AKAP13: variants seen among roughly 807,000 people sequenced by gnomAD.
AKAP13 encodes A-kinase anchor protein 13.
In AKAP13, 80 loss-of-function variants were observed where a neutral mutation model predicts 264.5. The ratio of observed to expected loss-of-function variants is 0.30; its 90% CI spans 0.25 to 0.36. AKAP13 has a LOEUF of 0.36. Among genes scored for constraint, AKAP13 ranks in the 10% least tolerant of loss-of-function variants. AKAP13 has a pLI of 1.00. For synonymous variants in AKAP13, 1,380 were observed against 1,250.2 expected, an observed-to-expected ratio of 1.10 and a Z score of -2.19; for missense variants, 3,712 against 3,435.2, an observed-to-expected ratio of 1.08 and a Z score of -2.01.
chr15:85,571,039 T>G (rs1312556844), intron 5 of AKAP13, among the ~76,000 whole-genome samples: 1 of 152,046 alleles, frequency 6.6e-6, no homozygotes, highest in African/African-American at 2.4e-5. Flanking sequence ...GAAAAGGTCT[T>G]TTGAGAATGA....
At chr15:85,562,564 C>CAAAAAAA (rs1253215813) in intron 5 of AKAP13, among the ~76,000 whole-genome samples, 1 of 33,882 alleles carries the variant, frequency 3.0e-5, no homozygotes, top group African/African-American at 9.7e-5. Context: ...GAATCTGCCT[C>CAAAAAAA]AAAAAAAAAA....
chr15:85,611,954 T>C (rs2080649871), intron 8 of AKAP13, among the ~76,000 whole-genome samples: 1 of 152,226 alleles, frequency 6.6e-6, no homozygotes, highest in Non-Finnish European at 1.5e-5. Flanking sequence ...AGTAATATAC[T>C]GTAAGGGCCA....
chr15:85,438,422 C>G (rs934404888), intron 1 of AKAP13, among the ~76,000 whole-genome samples: 22 of 151,928 alleles, frequency 1.4e-4, no homozygotes, highest in African/African-American at 5.1e-4. Context: ...AACTCCATCC[C>G]CATAAAGCTA....
intron 5 of AKAP13, among the ~76,000 whole-genome samples, chr15:85,571,119 T>C (rs145606123): frequency 2.8e-4 from 43 of 152,260 alleles, no homozygotes; most frequent in African/African-American, 9.6e-4. Context: ...GGAAGATTAG[T>C]GTACAGGTGA....
chr15:85,700,812 A>G (rs942875823), intron 17 of AKAP13, among the ~76,000 whole-genome samples: 1 of 152,164 alleles, frequency 6.6e-6, no homozygotes, highest in Non-Finnish European at 1.5e-5. Flanking sequence ...ATTGCAAGGC[A>G]AGCCATTAAA....
Position 85,736,145 on chromosome 15 carries a change from T to A in AKAP13, c.7557+11T>A, listed in dbSNP as rs902583504. On this transcript the variant is annotated intron_variant, in intron 33 of 36. Coordinates refer to ENST00000394518, the MANE Select transcript of AKAP13 (RefSeq NM_007200.5). ...AAAAGAAACAGTGAGGTAAGGACAT[T>A]ATGAACTATTTAAGAAAATATGTGT... 3 of 1,594,268 alleles carry A rather than the reference T, an allele frequency of 1.9e-6. No individual in the cohort carries two copies. Among genetic ancestry groups the A allele is most frequent in the Admixed American group, 3.4e-5 (2 of 59,618 alleles).
Position 85,734,937 on chromosome 15 carries a change from G to C in AKAP13, c.7283-55G>C. On this transcript the variant is annotated intron_variant, in intron 30 of 36. Transcript: ENST00000394518. ...TACGTATCATATATACTATGAACTT[G>C]TTTTCCCCTCATTGAAAGATAAGAT... 1.0e-5 allele frequency: 16 copies of C among 1,592,240 alleles called. No individual in the cohort carries two copies. In the South Asian group the frequency reaches 1.8e-4, roughly 18 times the overall value.
intron 1 of AKAP13, among the ~76,000 whole-genome samples, chr15:85,406,584 G>A (rs1473033428): frequency 1.4e-5 from 2 of 142,562 alleles, no homozygotes; most frequent in East Asian, 4.2e-4. Flanking sequence ...ATCAATTATG[G>A]TATAGGACAT....
intron 4 of AKAP13, 136 bp downstream of exon 4, chr15:85,534,016 A>G: frequency 1.0e-6 from 1 of 991,318 alleles, no homozygotes; most frequent in Non-Finnish European, 1.4e-6. Context: ...TTACTGTAGG[A>G]AAGTGGCCTC....
chr15:85,615,445 C>A (rs901373740), intron 8 of AKAP13, among the ~76,000 whole-genome samples: 3 of 152,188 alleles, frequency 2.0e-5, no homozygotes, highest in Non-Finnish European at 4.4e-5. Flanking sequence ...CCTTTGCAGC[C>A]ATTGTAAAGT....
intron 12 of AKAP13, among the ~76,000 whole-genome samples, chr15:85,659,005 C>G (rs965681358): frequency 2.0e-5 from 3 of 152,014 alleles, no homozygotes; most frequent in African/African-American, 7.2e-5. Flanking sequence ...TGCACAGGCC[C>G]TAAAGTATTG....
At chr15:85,576,522 T>C (rs1402140007) in intron 6 of AKAP13, among the ~76,000 whole-genome samples, 1 of 137,718 alleles carries the variant, frequency 7.3e-6, no homozygotes, top group Non-Finnish European at 1.5e-5. Context: ...ACATCTCTCT[T>C]GGGCATAACA....
chr15:85,381,989 A>G (rs180803640), intron 1 of AKAP13: 1 of 152,186 alleles, frequency 6.6e-6, no homozygotes, highest in African/African-American at 2.4e-5. Flanking sequence ...CATTGTTACT[A>G]TTCTTGTATT....
chr15:85,482,603 G>A (rs1567080208), intron 1 of AKAP13, among the ~76,000 whole-genome samples: 2 of 152,298 alleles, frequency 1.3e-5, no homozygotes, highest in South Asian at 2.1e-4. Flanking sequence ...GATGTGGGGG[G>A]AAAAACACAC....
At chr15:85,446,163 A>G (rs1425617080) in intron 1 of AKAP13, among the ~76,000 whole-genome samples, 1 of 152,184 alleles carries the variant, frequency 6.6e-6, no homozygotes, top group Non-Finnish European at 1.5e-5. Flanking sequence ...GTCCTTGGAA[A>G]GATTTGACCA....
At chr15:85,600,869 C>G (rs55981798) in intron 8 of AKAP13, among the ~76,000 whole-genome samples, 25,659 of 152,172 alleles carry the variant, frequency 0.17, 2,459 homozygotes, top group Non-Finnish European at 0.22. Flanking sequence ...ATCACTTTCC[C>G]CAGGAGTGGG....
intron 8 of AKAP13, among the ~76,000 whole-genome samples, chr15:85,630,260 C>CACACACACACACACAA (rs2081690234): frequency 6.6e-6 from 1 of 151,074 alleles, no homozygotes; most frequent in Non-Finnish European, 1.5e-5. Flanking sequence ...CACACACACA[C>CACACACACACACACAA]ACACACAAAC....
At chr15:85,387,216 A>G (rs1008094288) in intron 1 of AKAP13, among the ~76,000 whole-genome samples, 3 of 151,976 alleles carry the variant, frequency 2.0e-5, no homozygotes, top group South Asian at 2.1e-4. Flanking sequence ...GGCGCCTGTA[A>G]TCCCAGCTAC....
chr15:85,402,666 A>AT (rs140603181), intron 1 of AKAP13, among the ~76,000 whole-genome samples: 16 of 149,686 alleles, frequency 1.1e-4, no homozygotes, highest in Admixed American at 3.3e-4. Context: ...GCTAGCTGCC[A>AT]TTTTTTTTTT....
Sources: gnomAD v4.1 joint callset for allele counts (sites outside exome capture counted in the v4.1 genomes callset) on GRCh38, gnomAD v4.1.1 for gene constraint, MANE v1.5 for transcripts, NCBI Gene and HGNC (gene_info 2026-07-23, HGNC 2026-07-21) for gene names.